DCX: variants seen among roughly 807,000 people sequenced by gnomAD.
DCX encodes doublecortin, also known as neuronal migration protein doublecortin.
DCX carries 4 observed loss-of-function variants against 20.9 expected under a neutral mutation model. The observed-to-expected ratio is 0.19, with a 90% CI of 0.09 to 0.44. The LOEUF (loss-of-function observed/expected upper bound fraction) is 0.44. Among genes scored for constraint, DCX ranks in the 20% least tolerant of loss-of-function variants. DCX has a pLI of 0.99. For synonymous variants in DCX, 103 were observed against 111.4 expected (o/e 0.92, Z 0.47); for missense variants, 133 against 296.9 (o/e 0.45, Z 4.06).
chrX:111,303,432 G>A (rs185958265), intron 6 of DCX, among the ~76,000 whole-genome samples: 1 of 110,656 alleles, frequency 9.0e-6, no homozygotes, highest in Admixed American at 9.7e-5. Context: ...TCTCCTTGAG[G>A]TAGAGAAAAA....
chrX:111,330,784 G>T (rs916594224), intron 5 of DCX, 120 bp downstream of exon 5: 25 of 1,032,776 alleles, frequency 2.4e-5, no homozygotes, highest in Non-Finnish European at 2.0e-5. Flanking sequence ...TCCCTGAATT[G>T]ATAGAATAGG....
In DCX at chrX:111,401,317, G is replaced by T. The variant is rs1301482622; in HGVS notation, c.378C>A (p.Val126=). 8.3e-7 allele frequency: 1 copy of T among 1,210,095 alleles called. No homozygotes were observed. The highest frequency in any genetic ancestry group is 1.1e-6 in the Non-Finnish European group (1 of 893,885). The change falls in exon 3 of 7, where the codon GTC becomes GTA. Residue 126 remains valine (V), a synonymous_variant. Transcript: ENST00000636035. ...MDELEEGESY[V]CSSDNFFKKV... is the part of the protein sequence containing the mutation. ...TTTTAAAGAAGTTGTCTGAGGAACA[G>T]ACATAGCTTTCCCCTAAGGCAAGAA...
chrX:111,407,802 G>GCACACACACACACA (rs34206475), intron 2 of DCX, among the ~76,000 whole-genome samples: 3 of 90,286 alleles, frequency 3.3e-5, no homozygotes, highest in African/African-American at 1.2e-4. Context: ...ACATCAATAC[G>GCACACACACACACA]CACACACACA....
Position 111,301,734 on chromosome X carries a change from G to A in DCX, c.1054C>T (p.Leu352=). 2 of 1,210,704 alleles carry A rather than the reference G, an allele frequency of 1.7e-6. No homozygotes were observed. The highest frequency in any genetic ancestry group is 2.2e-6 in the Non-Finnish European group (2 of 894,691). The change falls in exon 7 of 7, where the codon CTG becomes TTG. Residue 352 remains leucine, a synonymous_variant. Coordinates refer to ENST00000636035, the MANE Select transcript of DCX (RefSeq NM_001195553.2). ...SLRKHKVDLY[L]PLSLDDSDSL... ...TCCGAGTCATCCAAGGACAGAGGCA[G>A]GTACAGGTCCTATAAGAAGAGAAGA...
In DCX at chrX:111,297,875, T is replaced by C. The variant is rs762018834; in HGVS notation, c.*3812A>G. On this transcript the variant is annotated 3_prime_UTR_variant, in exon 7 of 7. Transcript: ENST00000636035. The stretch of plus-strand genomic sequence containing the variant: ...GTTTAACATCAGCCAGGGTACATTT[T>C]TGTCACAAAGCCCCTTGCTTATACC... 3 of 111,446 alleles carry C rather than the reference T, an allele frequency of 2.7e-5. No individual in the cohort carries two copies. The South Asian group carries it at 1.2e-3, about 43-fold the overall frequency. The allele number at this position is 111,446 out of a possible 1,213,427, so 9.2% of individuals were successfully genotyped here.
At chrX:111,394,666 C>T (rs1927194438) in intron 3 of DCX, among the ~76,000 whole-genome samples, 1 of 111,970 alleles carries the variant, frequency 8.9e-6, no homozygotes, top group African/African-American at 3.2e-5. Context: ...ATAGATCAAT[C>T]CCCACTTGAT....
At chrX:111,327,190 T>C (rs2095101469) in intron 5 of DCX, among the ~76,000 whole-genome samples, 2 of 111,828 alleles carry the variant, frequency 1.8e-5, no homozygotes, top group African/African-American at 6.5e-5. Context: ...CTAAGAGTCT[T>C]TTGTTACTCA....
At chrX:111,357,326 T>C (rs1923813953) in intron 3 of DCX, among the ~76,000 whole-genome samples, 1 of 112,106 alleles carries the variant, frequency 8.9e-6, no homozygotes, top group African/African-American at 3.2e-5. Context: ...CCTGAAGAAC[T>C]TGGACTCAAT....
intron 3 of DCX, among the ~76,000 whole-genome samples, chrX:111,374,843 G>A (rs771747241): frequency 1.9e-5 from 2 of 108,054 alleles, no homozygotes; most frequent in Non-Finnish European, 3.8e-5. Flanking sequence ...GGGAGGAGTG[G>A]TAACAGTTGC....
chrX:111,318,630 A>T (rs1418732700), intron 5 of DCX, among the ~76,000 whole-genome samples: 1 of 111,299 alleles, frequency 9.0e-6, no homozygotes, highest in Non-Finnish European at 1.9e-5. Flanking sequence ...AAAGAACAAG[A>T]TTATGTACTT....
chrX:111,329,853 G>T (rs1921051626), intron 5 of DCX, among the ~76,000 whole-genome samples: 1 of 111,939 alleles, frequency 8.9e-6, no homozygotes, highest in Non-Finnish European at 1.9e-5. Flanking sequence ...AAACTGAAGG[G>T]CCCTTTTGTT....
rs1425688347 is a variant in DCX, at chrX:111,294,027, G to C, written c.*7660C>G. ...AAGAAAGCCCTCATTGAATTGCGGA[G>C]GGGGTGGGGGAAGAGGGGTGTTACA... On this transcript the variant is annotated 3_prime_UTR_variant, in exon 7 of 7. Coordinates refer to ENST00000636035, the MANE Select transcript of DCX (RefSeq NM_001195553.2). 8.9e-6 allele frequency: 1 copy of C among 111,962 alleles called. No homozygotes were observed. The allele number at this position is 111,962 out of a possible 1,213,427, so 9.2% of individuals were successfully genotyped here.
intron 3 of DCX, among the ~76,000 whole-genome samples, chrX:111,397,608 C>G (rs923630488): frequency 1.8e-5 from 2 of 111,509 alleles, no homozygotes; most frequent in African/African-American, 6.5e-5. Context: ...TCCATGTACC[C>G]CCAAATTTTA....
chrX:111,353,971 C>A (rs1464305902), intron 3 of DCX, among the ~76,000 whole-genome samples: 3 of 112,050 alleles, frequency 2.7e-5, no homozygotes, highest in African/African-American at 9.7e-5. Flanking sequence ...ATACCAGTTA[C>A]TTTTTGAGCC....
intron 3 of DCX, among the ~76,000 whole-genome samples, chrX:111,355,955 G>A (rs1435445812): frequency 8.9e-6 from 1 of 111,973 alleles, no homozygotes; most frequent in Non-Finnish European, 1.9e-5. Flanking sequence ...CCGAGTGAAA[G>A]AGGCCATTTT....
At chrX:111,349,290 C>T (rs766722299) in intron 3 of DCX, among the ~76,000 whole-genome samples, 1 of 111,427 alleles carries the variant, frequency 9.0e-6, no homozygotes, top group East Asian at 2.8e-4. Context: ...TGGCAGCTGT[C>T]GTGGAATCCC....
In DCX at chrX:111,300,241, T is replaced by C. The variant is rs2095030790; in HGVS notation, c.*1446A>G. ...TTAAATTTAGTTGTCTTTGCCATTA[T>C]GGGCTATGATTACAGAAAAAAAAAA... On this transcript the variant is annotated 3_prime_UTR_variant, in exon 7 of 7. Transcript: ENST00000636035. 1 of 112,086 alleles carries C rather than the reference T, an allele frequency of 8.9e-6. No homozygotes were observed. Among genetic ancestry groups the C allele is most frequent in the Non-Finnish European group, 1.9e-5 (1 of 53,190 alleles). The allele number at this position is 112,086 out of a possible 1,213,427, so 9.2% of individuals were successfully genotyped here. A position where few individuals can be genotyped will look rare whatever the true frequency, so the allele number is the denominator to read the frequency against.
intron 3 of DCX, among the ~76,000 whole-genome samples, chrX:111,355,601 G>T (rs1923668722): frequency 9.0e-6 from 1 of 111,584 alleles, no homozygotes; most frequent in South Asian, 3.8e-4. Flanking sequence ...AAATTCAAGG[G>T]CAGATGTGCA....
chrX:111,328,209 CT>C (rs1356943303), intron 5 of DCX, among the ~76,000 whole-genome samples: 1 of 109,283 alleles, frequency 9.2e-6, no homozygotes, highest in Non-Finnish European at 1.9e-5. Context: ...TTCTTTTTTT[CT>C]TTTTTTTTAG....
Sources: allele counts gnomAD v4.1 joint callset (sites outside exome capture counted in the v4.1 genomes callset), GRCh38; gene constraint gnomAD v4.1.1; transcripts MANE v1.5; gene names NCBI Gene and HGNC (gene_info 2026-07-23, HGNC 2026-07-21).